Variants in ANKRD52 observed in about 807,000 individuals in gnomAD.
ANKRD52 encodes ankyrin repeat domain 52.
In ANKRD52, 7 loss-of-function variants were observed where a neutral mutation model predicts 116.0. The ratio of observed to expected loss-of-function variants is 0.06; its 90% CI spans 0.03 to 0.11. The LOEUF (loss-of-function observed/expected upper bound fraction) is 0.11, where lower values mean the gene tolerates loss of function less well. Ranked by LOEUF, ANKRD52 falls within the 10% of genes least tolerant of loss-of-function variation. The pLI is 1.00. For synonymous variants in ANKRD52, 528 were observed against 578.1 expected (o/e 0.91, Z 1.24); for missense variants, 839 against 1,408.6 (o/e 0.60, Z 6.47).
In ANKRD52 at chr12:56,255,684, G is replaced by C; in HGVS notation, c.462+100C>G. Reference sequence around the variant, plus strand: ...AAGTGTTTATATAACCATCCGGGCTGCTTCTCCTTCAGGCTTGAGGGCCCA... The same window carrying C: ...AAGTGTTTATATAACCATCCGGGCTCCTTCTCCTTCAGGCTTGAGGGCCCA... On this transcript the variant is annotated intron_variant, in intron 5 of 27. Coordinates refer to ENST00000267116, the MANE Select transcript of ANKRD52 (RefSeq NM_173595.4). The surrounding 1 kb of genome is among the most constrained non-coding windows in gnomAD (Gnocchi z 4.3). The C allele has an allele frequency of 1.8e-6, 2 of 1,139,234 alleles. No individual in the cohort carries two copies. The highest frequency in any genetic ancestry group is 2.5e-6 in the Non-Finnish European group (2 of 799,338). The allele number at this position is 1,139,234 out of a possible 1,614,324, so 70.6% of individuals were successfully genotyped here. A position where few individuals can be genotyped will look rare whatever the true frequency, so the allele number is the denominator to read the frequency against.
At position 56,244,852 on chromosome 12, in the gene ANKRD52, A is replaced by C. The variant is rs1871323259; in HGVS notation, c.2576+54T>G. ...ATAGGGAAGAGTATACTGCCCAAGC[A>C]GAAAGGGGAAGCCAGAGGCAACTGG... On this transcript the variant is annotated intron_variant, in intron 23 of 27. Coordinates refer to ENST00000267116, the MANE Select transcript of ANKRD52 (RefSeq NM_173595.4). The surrounding 1 kb of genome is among the most constrained non-coding windows in gnomAD (Gnocchi z 4.9). The C allele has an allele frequency of 1.2e-6, 2 of 1,613,836 alleles. No homozygotes were observed. Among genetic ancestry groups the C allele is most frequent in the Admixed American group, 1.7e-5 (1 of 59,994 alleles).
In ANKRD52 at chr12:56,241,270, T is replaced by C. The variant is rs948600376; in HGVS notation, c.*1872A>G. The C allele has an allele frequency of 1.3e-5, 2 of 152,004 alleles. No homozygotes were observed. Among genetic ancestry groups the C allele is most frequent in the Non-Finnish European group, 2.9e-5 (2 of 67,992 alleles). 9.4% of individuals were successfully genotyped at this position (152,004 alleles called of 1,614,324 possible). A position where few individuals can be genotyped will look rare whatever the true frequency, so the allele number is the denominator to read the frequency against. On this transcript the variant is annotated 3_prime_UTR_variant, in exon 28 of 28. Coordinates refer to ENST00000267116, the MANE Select transcript of ANKRD52 (RefSeq NM_173595.4). ...TTGAAATGATTTAGGAACTGAGGGT[T>C]GGGAGAAGCAAAACACAGAGAGACA...
At position 56,254,528 on chromosome 12, in the gene ANKRD52, T is replaced by A. The variant is rs760900029; in HGVS notation, c.693+50A>T. The A allele has an allele frequency of 6.3e-7, 1 of 1,598,786 alleles. No individual in the cohort carries two copies. Among genetic ancestry groups the A allele is most frequent in the African/African-American group, 1.3e-5 (1 of 74,538 alleles). On this transcript the variant is annotated intron_variant, in intron 7 of 27. Coordinates refer to ENST00000267116, the MANE Select transcript of ANKRD52 (RefSeq NM_173595.4). The surrounding 1 kb of genome is among the most constrained non-coding windows in gnomAD (Gnocchi z 4.6). ...CTCATATCTCCGTAACAGACTATAA[T>A]CTCCTACTTGCTGCCCATAGTTCCC...
In ANKRD52 at chr12:56,242,393, GT is replaced by G. The variant is rs1871203660; in HGVS notation, c.*748del. On this transcript the variant is annotated 3_prime_UTR_variant, in exon 28 of 28. Coordinates refer to ENST00000267116, the MANE Select transcript of ANKRD52 (RefSeq NM_173595.4). This position sits in a 1 kb window ranked among gnomAD's most constrained non-coding sequence, Gnocchi z 4.3. ...GAAAGAAGCAAGGTTAAAGTGCGTG[GT>G]TAGGGGCCAGGCTAGGAGTGGGAGG... 5.4e-6 allele frequency: 2 copies of G among 373,256 alleles called. No homozygotes were observed. Among genetic ancestry groups the G allele is most frequent in the Non-Finnish European group, 9.5e-6 (2 of 210,624 alleles). 23.1% of individuals were successfully genotyped at this position (373,256 alleles called of 1,614,324 possible). A position where few individuals can be genotyped will look rare whatever the true frequency, so the allele number is the denominator to read the frequency against.
In ANKRD52 at chr12:56,252,445, T is replaced by C; in HGVS notation, c.1370+57A>G. The C allele has an allele frequency of 1.9e-6, 3 of 1,597,632 alleles. No homozygotes were observed. Among genetic ancestry groups the C allele is most frequent in the Non-Finnish European group, 2.6e-6 (3 of 1,165,326 alleles). ...CTCCAATCTAAACCCTTCCTCCCTCTACCATTTGTTTCTCTAATCAGATAT... is the reference window on the plus strand; with the variant it reads ...CTCCAATCTAAACCCTTCCTCCCTCCACCATTTGTTTCTCTAATCAGATAT... On this transcript the variant is annotated intron_variant, in intron 13 of 27. Transcript: ENST00000267116. The surrounding 1 kb of genome is among the most constrained non-coding windows in gnomAD (Gnocchi z 4.7).
rs1399513162 is a variant in ANKRD52 at position 56,241,952 on chromosome 12, C to G, written c.*1190G>C. On this transcript the variant is annotated 3_prime_UTR_variant, in exon 28 of 28. Transcript: ENST00000267116. Reference sequence around the variant, plus strand: ...CAAGCCCCAGTACCTATTCATCTCTCTCTAGGTCAGAGCTTCTTCCTCACA... The same window carrying G: ...CAAGCCCCAGTACCTATTCATCTCTGTCTAGGTCAGAGCTTCTTCCTCACA... 5.0e-6 allele frequency: 2 copies of G among 398,522 alleles called. No homozygotes were observed. The highest frequency in any genetic ancestry group is 2.1e-5 in the African/African-American group (1 of 48,632). The allele number at this position is 398,522 out of a possible 1,614,324, so 24.7% of individuals were successfully genotyped here. A position where few individuals can be genotyped will look rare whatever the true frequency, so the allele number is the denominator to read the frequency against.
Position 56,255,361 on chromosome 12 carries a change from T to C in ANKRD52, c.463-409A>G, listed in dbSNP as rs1319591755. Among the ~76,000 whole-genome samples, 3 of 152,134 alleles carry C rather than the reference T, an allele frequency of 2.0e-5. No individual in the cohort carries two copies. The highest frequency in any genetic ancestry group is 4.4e-5 in the Non-Finnish European group (3 of 68,028). The stretch of plus-strand genomic sequence containing the variant: ...GGCCGCCACCACACCCGGCTAATTT[T>C]TTGTATTTTTAGTAGAGACAGGGTT... On this transcript the variant is annotated intron_variant, in intron 5 of 27. Coordinates refer to ENST00000267116, the MANE Select transcript of ANKRD52 (RefSeq NM_173595.4). The surrounding 1 kb of genome is among the most constrained non-coding windows in gnomAD (Gnocchi z 4.3).
chr12:56,251,719 C>A (rs1871700187), intron 15 of ANKRD52, among the ~76,000 whole-genome samples: 2 of 123,496 alleles, frequency 1.6e-5, no homozygotes, highest in Admixed American at 1.1e-4. Context: ...GCCTGGGCAA[C>A]AGAGTGAGAC....
chr12:56,258,100 G>A (rs568895135), intron 1 of ANKRD52, 143 bp downstream of exon 1: 5 of 1,447,222 alleles, frequency 3.5e-6, no homozygotes, highest in East Asian at 5.0e-5. Context: ...CACCGGCTCG[G>A]TTGAGGGGAG....
chr12:56,251,881 CAA>C (rs1055702880), intron 15 of ANKRD52, 132 bp downstream of exon 15: 2 of 955,858 alleles, frequency 2.1e-6, no homozygotes, highest in African/African-American at 3.3e-5. Context: ...CCAGAGGGCT[CAA>C]GACACACTGC....
rs1871818148 is a variant in ANKRD52, at chr12:56,253,896, C to T, written c.907-96G>A. 7.0e-7 allele frequency: 1 copy of T among 1,427,964 alleles called. No homozygotes were observed. The highest frequency in any genetic ancestry group is 9.8e-7 in the Non-Finnish European group (1 of 1,024,106). The allele number at this position is 1,427,964 out of a possible 1,614,324, so 88.5% of individuals were successfully genotyped here. On this transcript the variant is annotated intron_variant, in intron 8 of 27. Transcript: ENST00000267116. The surrounding 1 kb of genome is among the most constrained non-coding windows in gnomAD (Gnocchi z 5.5). The stretch of plus-strand genomic sequence containing the variant: ...CCTTCCAAGGACATATCTCTAAGGA[C>T]AAAAGGGTCATATGGCACCTTCTTA...
intron 4 of ANKRD52, among the ~76,000 whole-genome samples, chr12:56,256,778 G>C (rs916208021): frequency 1.3e-5 from 2 of 152,190 alleles, no homozygotes; most frequent in African/African-American, 2.4e-5. Context: ...CCTGGCAGCA[G>C]GGCCCCCGCA....
chr12:56,253,375 A>C lies in ANKRD52; in HGVS notation c.1013T>G (p.Phe338Cys), dbSNP rs964156623. The change falls in exon 10 of 28, where the codon TTT (phenylalanine) becomes TGT (cysteine). Residue 338 changes from phenylalanine to cysteine, a missense_variant. Physicochemically the swap from Phe to Cys is radical, Grantham distance 205. This residue lies in a region of ANKRD52 where 287 missense variants were observed against 598.1 expected (regional missense o/e 0.48). Transcript: ENST00000267116. The surrounding 1 kb of genome is among the most constrained non-coding windows in gnomAD (Gnocchi z 5.5). ...AGCCACATGCAGTGGCGTGTTCCCAAATTTGTCGGCACAATCAATCTCGCT... is the reference window on the plus strand; with the variant it reads ...AGCCACATGCAGTGGCGTGTTCCCACATTTGTCGGCACAATCAATCTCGCT... ...NGSEIDCADK[F>C]GNTPLHVAAR... The C allele has an allele frequency of 6.2e-7, 1 of 1,613,468 alleles. No homozygotes were observed.
In ANKRD52 at chr12:56,257,996, T is replaced by C. The variant is rs1352970764; in HGVS notation, c.28-85A>G. On this transcript the variant is annotated intron_variant, in intron 1 of 27. Coordinates refer to ENST00000267116, the MANE Select transcript of ANKRD52 (RefSeq NM_173595.4). Reference sequence around the variant, plus strand: ...GTGGGGGTGGGGGAGCACCTAGGTTTGAGTGGGGGGCGTCCGTGGAGGGGC... The same window carrying C: ...GTGGGGGTGGGGGAGCACCTAGGTTCGAGTGGGGGGCGTCCGTGGAGGGGC... 3.3e-6 allele frequency: 4 copies of C among 1,197,928 alleles called. No homozygotes were observed. In the African/African-American group the frequency reaches 4.6e-5, roughly 14 times the overall value. 74.2% of individuals were successfully genotyped at this position (1,197,928 alleles called of 1,614,324 possible).
At chr12:56,257,450 TC>T in intron 2 of ANKRD52, 89 bp from the exon 3 acceptor site, 2 of 1,153,972 alleles carry the variant, frequency 1.7e-6, no homozygotes, top group Non-Finnish European at 2.5e-6. Context: ...TCCAGGCCCT[TC>T]CCCACAACCT....
intron 4 of ANKRD52, 74 bp downstream of exon 4, chr12:56,256,941 C>T: frequency 6.8e-7 from 1 of 1,471,818 alleles, no homozygotes. Context: ...AGGACTGAGG[C>T]TCCTTAACCC....
chr12:56,252,083 A>C lies in ANKRD52; in HGVS notation c.1524T>G (p.His508Gln). ...CTTCGGCATCATGGCTGGAAGGTGT[A>C]TGGGGTTCCGCTCTGGGGAAGAGAG... ...ASDTYRRAEP[H>Q]TPSSHDAEED... is the part of the protein sequence containing the mutation. The change falls in exon 15 of 28, where the codon CAT becomes CAG. Residue 508 changes from histidine (H) to glutamine (Q), a missense_variant. Physicochemically the swap from His to Gln is conservative, Grantham distance 24. Around this residue, in one of 2 missense-constraint regions of ANKRD52, gnomAD observed 552 missense variants for 810.6 expected, o/e 0.68. Coordinates refer to ENST00000267116, the MANE Select transcript of ANKRD52 (RefSeq NM_173595.4). The surrounding 1 kb of genome is among the most constrained non-coding windows in gnomAD (Gnocchi z 4.7). The C allele has an allele frequency of 6.2e-7, 1 of 1,613,848 alleles. No individual in the cohort carries two copies. The highest frequency in any genetic ancestry group is 8.5e-7 in the Non-Finnish European group (1 of 1,179,856).
chr12:56,239,563 G>C lies in ANKRD52; in HGVS notation c.*3579C>G, dbSNP rs1172096530. 6.6e-6 allele frequency: 1 copy of C among 152,324 alleles called. No homozygotes were observed. Among genetic ancestry groups the C allele is most frequent in the African/African-American group, 2.4e-5 (1 of 41,416 alleles). 9.4% of individuals were successfully genotyped at this position (152,324 alleles called of 1,614,324 possible). A position where few individuals can be genotyped will look rare whatever the true frequency, so the allele number is the denominator to read the frequency against. ...GAAATGGCTGAGAGGGAAGGAGGAA[G>C]GGGCCTCCCCGCTGGAGCAGTCACT... On this transcript the variant is annotated 3_prime_UTR_variant, in exon 28 of 28. Coordinates refer to ENST00000267116, the MANE Select transcript of ANKRD52 (RefSeq NM_173595.4).
At position 56,247,872 on chromosome 12, in the gene ANKRD52, G is replaced by A. The variant is rs564221315; in HGVS notation, c.1979-98C>T. On this transcript the variant is annotated intron_variant, in intron 18 of 27. Transcript: ENST00000267116. ...TGGGGTCAATGTTACAGAAAGACCTGGGCCAGGGAGAAATCTCTGAGGATA... is the reference window on the plus strand; with the variant it reads ...TGGGGTCAATGTTACAGAAAGACCTAGGCCAGGGAGAAATCTCTGAGGATA... 39 of 1,403,276 alleles carry A rather than the reference G, an allele frequency of 2.8e-5. 2 individuals carry two copies. In the South Asian group the frequency reaches 4.1e-4, roughly 15 times the overall value. 86.9% of individuals were successfully genotyped at this position (1,403,276 alleles called of 1,614,324 possible). A position where few individuals can be genotyped will look rare whatever the true frequency, so the allele number is the denominator to read the frequency against.
Sources: gnomAD v4.1 joint callset for allele counts (sites outside exome capture counted in the v4.1 genomes callset) on GRCh38, gnomAD v4.1.1 for gene constraint, gnomAD v4.1.1 regional missense constraint, Gnocchi (gnomAD v3.1) non-coding constraint, MANE v1.5 for transcripts, NCBI Gene and HGNC (gene_info 2026-07-23, HGNC 2026-07-21) for gene names.